Variants in KCNIP4 observed in about 807,000 individuals in gnomAD.
KCNIP4 encodes Kv channel-interacting protein 4.
A neutral mutation model predicts 34.0 loss-of-function variants in KCNIP4; 12 were observed. That is an observed-to-expected ratio of 0.35 (90% CI 0.23 to 0.57). KCNIP4 has a LOEUF of 0.57. KCNIP4 is among the 20% of genes least tolerant of loss of function. KCNIP4 has a pLI of 0.83. For missense variants in KCNIP4, 238 were observed against 311.7 expected, an observed-to-expected ratio of 0.76 and a Z score of 1.78; for synonymous variants, 124 against 102.2, an observed-to-expected ratio of 1.21 and a Z score of -1.29.
chr4:21,750,277 C>T (rs544612991), intron 1 of KCNIP4, among the ~76,000 whole-genome samples: 2 of 152,268 alleles, frequency 1.3e-5, no homozygotes, highest in South Asian at 2.1e-4. Flanking sequence ...GTGATGCTGG[C>T]ATTTCAAACA....
intron 1 of KCNIP4, among the ~76,000 whole-genome samples, chr4:21,436,990 G>T (rs866986311): frequency 2.1e-4 from 32 of 152,106 alleles, no homozygotes; most frequent in African/African-American, 7.5e-4. Context: ...ATGGAGCCAG[G>T]ATAGGAAAAC....
At chr4:21,181,787 C>T (rs1300075189) in intron 1 of KCNIP4, among the ~76,000 whole-genome samples, 2 of 152,094 alleles carry the variant, frequency 1.3e-5, no homozygotes, top group Admixed American at 6.6e-5. Context: ...TACTGTAATT[C>T]TTTCCTTTGG....
rs770017865 is a variant in KCNIP4 at position 20,734,695 on chromosome 4, A to G, written c.470T>C (p.Val157Ala). 3.7e-6 allele frequency: 6 copies of G among 1,601,882 alleles called. No homozygotes were observed. The stretch of plus-strand genomic sequence containing the variant: ...AAATGCCCAATTGAGTTTTTCTTGT[A>G]CTGTCCCCCGGAGCAAAATGGAAAG... Reference protein sequence around the residue: ...KGLSILLRGTVQEKLNWAFNL... With the variant: ...KGLSILLRGTAQEKLNWAFNL... Residue 157 changes from valine (V) to alanine (A), a missense_variant, in exon 6 of 9, where the codon GTA becomes GCA. Physicochemically the swap from Val to Ala is moderately conservative, Grantham distance 64. Coordinates refer to ENST00000382152, the MANE Select transcript of KCNIP4 (RefSeq NM_025221.6).
At chr4:21,012,410 C>G (rs1208742178) in intron 1 of KCNIP4, among the ~76,000 whole-genome samples, 1 of 151,948 alleles carries the variant, frequency 6.6e-6, no homozygotes, top group Non-Finnish European at 1.5e-5. Context: ...GAGTCCACAT[C>G]TTCACAAAAA....
intron 1 of KCNIP4, among the ~76,000 whole-genome samples, chr4:20,960,830 G>A (rs1277826242): frequency 6.6e-6 from 1 of 152,176 alleles, no homozygotes; most frequent in East Asian, 1.9e-4. Context: ...AAAAAAGAAA[G>A]GGAGTCAGAG....
At chr4:21,111,734 G>A (rs1349754771) in intron 1 of KCNIP4, among the ~76,000 whole-genome samples, 3 of 152,164 alleles carry the variant, frequency 2.0e-5, no homozygotes, top group Non-Finnish European at 4.4e-5. Context: ...GTGGCTCAGA[G>A]TGCTGCCGAC....
chr4:21,347,595 T>G (rs2109364564), intron 1 of KCNIP4, among the ~76,000 whole-genome samples: 1 of 152,324 alleles, frequency 6.6e-6, no homozygotes, highest in East Asian at 1.9e-4. Context: ...AGTGAGTTAC[T>G]GATGTGCTCT....
intron 1 of KCNIP4, chr4:21,851,382 T>G (rs1156988187): frequency 6.6e-6 from 1 of 152,080 alleles, no homozygotes; most frequent in Non-Finnish European, 1.5e-5. Flanking sequence ...ATGTAGAGTG[T>G]GGAACAATCA....
At chr4:21,375,017 A>G (rs897736570) in intron 1 of KCNIP4, among the ~76,000 whole-genome samples, 1 of 147,722 alleles carries the variant, frequency 6.8e-6, no homozygotes. Context: ...GAAGTGGTAG[A>G]GAATTCGGAG....
At chr4:21,910,674 G>A (rs1440332011) in intron 1 of KCNIP4, among the ~76,000 whole-genome samples, 2 of 152,174 alleles carry the variant, frequency 1.3e-5, no homozygotes, top group Admixed American at 1.3e-4. Flanking sequence ...TATAAGGGAG[G>A]CTTTTCATTA....
intron 1 of KCNIP4, among the ~76,000 whole-genome samples, chr4:21,887,617 C>T (rs1003158748): frequency 5.9e-5 from 9 of 151,996 alleles, no homozygotes; most frequent in East Asian, 1.9e-4. Context: ...CAGAAACTTA[C>T]GAAAGAAAAT....
intron 6 of KCNIP4, among the ~76,000 whole-genome samples, chr4:20,733,545 A>G (rs780206038): frequency 1.2e-4 from 18 of 152,210 alleles, no homozygotes; most frequent in Non-Finnish European, 1.9e-4. Context: ...AGTAATTTGT[A>G]AACAGGTGAA....
At chr4:21,268,720 C>T (rs1047474055) in intron 1 of KCNIP4, among the ~76,000 whole-genome samples, 1 of 152,196 alleles carries the variant, frequency 6.6e-6, no homozygotes, top group Non-Finnish European at 1.5e-5. Flanking sequence ...CAATATTTTC[C>T]AAACACATTT....
chr4:21,380,430 T>C (rs943481629), intron 1 of KCNIP4, among the ~76,000 whole-genome samples: 4 of 54,544 alleles, frequency 7.3e-5, no homozygotes, highest in African/African-American at 3.3e-4. Context: ...TGGGGGATGA[T>C]GAGGGAGAGG....
At chr4:21,363,207 T>G (rs1054635065) in intron 1 of KCNIP4, among the ~76,000 whole-genome samples, 1 of 152,176 alleles carries the variant, frequency 6.6e-6, no homozygotes, top group African/African-American at 2.4e-5. Context: ...CTTGTCCTTG[T>G]GTTTCCATCC....
chr4:21,428,179 T>A (rs1486161154), intron 1 of KCNIP4, among the ~76,000 whole-genome samples: 1 of 152,058 alleles, frequency 6.6e-6, no homozygotes, highest in Non-Finnish European at 1.5e-5. Flanking sequence ...AACAAAACAA[T>A]GATTATTACA....
intron 1 of KCNIP4, among the ~76,000 whole-genome samples, chr4:20,973,191 T>C (rs142632727): frequency 1.3e-3 from 196 of 152,354 alleles, no homozygotes; most frequent in African/African-American, 4.4e-3. Context: ...TTCATCCACA[T>C]TGAAAATCTG....
At chr4:20,997,885 C>T (rs1737710673) in intron 1 of KCNIP4, among the ~76,000 whole-genome samples, 1 of 152,134 alleles carries the variant, frequency 6.6e-6, no homozygotes, top group Non-Finnish European at 1.5e-5. Flanking sequence ...TGCTTCAAGT[C>T]ACCTCGGGTG....
chr4:21,902,161 C>G (rs1727740197), intron 1 of KCNIP4, among the ~76,000 whole-genome samples: 1 of 152,032 alleles, frequency 6.6e-6, no homozygotes, highest in African/African-American at 2.4e-5. Context: ...AAGGAATGAA[C>G]AGAAGTGATG....
Sources: gnomAD v4.1 joint callset for allele counts (sites outside exome capture counted in the v4.1 genomes callset) on GRCh38, gnomAD v4.1.1 for gene constraint, MANE v1.5 for transcripts, NCBI Gene and HGNC (gene_info 2026-07-23, HGNC 2026-07-21) for gene names.